The following ZNRF1 variants were observed in gnomAD, a reference collection of about 807,000 sequenced individuals.
ZNRF1 encodes the protein E3 ubiquitin-protein ligase ZNRF1.
In ZNRF1, 3 loss-of-function variants were observed where a neutral mutation model predicts 18.4. That is an observed-to-expected ratio of 0.16 (90% CI 0.07 to 0.42). The LOEUF (loss-of-function observed/expected upper bound fraction) is 0.42. Among genes scored for constraint, ZNRF1 ranks in the 10% least tolerant of loss-of-function variants. ZNRF1 has a pLI of 0.99. For synonymous variants in ZNRF1, 157 were observed against 144.2 expected (o/e 1.09, Z -0.64); for missense variants, 310 against 329.8 (o/e 0.94, Z 0.47).
chr16:75,068,433 G>A (rs2035830338), intron 1 of ZNRF1, among the ~76,000 whole-genome samples: 1 of 152,120 alleles, frequency 6.6e-6, no homozygotes, highest in South Asian at 2.1e-4. Flanking sequence ...AAGCAGTGGA[G>A]CAGCTGTGCT....
At position 75,056,953 on chromosome 16, in the gene ZNRF1, A is replaced by C. The variant is rs1164894930; in HGVS notation, c.425-36619A>C. On this transcript the variant is annotated intron_variant, in intron 1 of 4. Transcript: ENST00000335325. ...CGCCTGGTCAGGAAAAGACTTTTTAATGCCACTAGATTCCTCTCCTGATGC... is the reference window on the plus strand; with the variant it reads ...CGCCTGGTCAGGAAAAGACTTTTTACTGCCACTAGATTCCTCTCCTGATGC... Among the ~76,000 whole-genome samples the C allele has an allele frequency of 3.3e-5, 5 of 151,954 alleles. No individual in the cohort carries two copies. In the East Asian group the frequency reaches 9.7e-4, roughly 29 times the overall value.
intron 2 of ZNRF1, among the ~76,000 whole-genome samples, chr16:75,096,609 G>C (rs1445976247): frequency 6.6e-6 from 1 of 152,132 alleles, no homozygotes; most frequent in African/African-American, 2.4e-5. Flanking sequence ...AGATTCACTA[G>C]AACTCCTGGT....
chr16:75,106,679 A>C, intron 4 of ZNRF1, 108 bp downstream of exon 4: 1 of 790,838 alleles, frequency 1.3e-6, no homozygotes, highest in South Asian at 1.6e-5. Context: ...AGAAGAAAGC[A>C]GGAGCAGAGG....
intron 1 of ZNRF1, among the ~76,000 whole-genome samples, chr16:75,060,473 CTTTTTTTTTTTT>C (rs34182819): frequency 1.4e-5 from 1 of 70,246 alleles, no homozygotes; most frequent in Non-Finnish European, 2.6e-5. Flanking sequence ...CTCAGAAAAT[CTTTTTTTTTTTT>C]TTTTTTTTTT....
chr16:75,000,565 A>T (rs993589961), intron 1 of ZNRF1, among the ~76,000 whole-genome samples: 2 of 152,098 alleles, frequency 1.3e-5, no homozygotes, highest in African/African-American at 4.8e-5. Flanking sequence ...TAGGGCTCTC[A>T]CTCTTGCTGG....
intron 1 of ZNRF1, among the ~76,000 whole-genome samples, chr16:75,011,258 C>T (rs2145323690): frequency 6.6e-6 from 1 of 152,282 alleles, no homozygotes; most frequent in African/African-American, 2.4e-5. Context: ...CCTTGGGATT[C>T]CAACCTAACA....
At chr16:75,002,720 G>A (rs182177880) in intron 1 of ZNRF1, among the ~76,000 whole-genome samples, 2 of 152,166 alleles carry the variant, frequency 1.3e-5, no homozygotes, top group African/African-American at 4.8e-5. Context: ...TCACCCTCAC[G>A]AGCTCCAGCC....
At chr16:75,000,215 G>T in intron 1 of ZNRF1, 120 bp downstream of exon 1, 1 of 1,387,392 alleles carries the variant, frequency 7.2e-7, no homozygotes, top group Non-Finnish European at 9.9e-7. Flanking sequence ...CATTCCCTTT[G>T]GTTCCCGATG....
At position 75,104,812 on chromosome 16, in the gene ZNRF1, G is replaced by A. The variant is rs373243070; in HGVS notation, c.549G>A (p.Glu183=). 7.6e-5 allele frequency: 123 copies of A among 1,610,230 alleles called. No homozygotes were observed. The highest frequency in any genetic ancestry group is 1.0e-4 in the Non-Finnish European group (118 of 1,178,884). Residue 183 remains glutamate, a synonymous_variant, in exon 3 of 5, where the codon GAG becomes GAA. Coordinates refer to ENST00000335325, the MANE Select transcript of ZNRF1 (RefSeq NM_032268.5). ...ATGTGCTGACTAAAGACGCGGGTGA[G>A]TGTGTGATCTGCCTGGAGGAGCTGC... ...NDDVLTKDAG[E]CVICLEELLQ... is the part of the protein sequence containing the mutation.
chr16:75,010,911 A>G (rs12923223), intron 1 of ZNRF1, among the ~76,000 whole-genome samples: 45,616 of 151,720 alleles, frequency 0.3, 8,164 homozygotes, highest in East Asian at 0.62. Flanking sequence ...GGTTTCGCCA[A>G]TTGGCCAGGC....
chr16:75,044,837 A>T (rs563531046), intron 1 of ZNRF1, among the ~76,000 whole-genome samples: 1 of 152,246 alleles, frequency 6.6e-6, no homozygotes, highest in Non-Finnish European at 1.5e-5. Flanking sequence ...GAAGTAACAT[A>T]ATATGTTAAG....
intron 1 of ZNRF1, among the ~76,000 whole-genome samples, chr16:75,086,938 C>T (rs908384911): frequency 2.0e-5 from 3 of 151,478 alleles, no homozygotes; most frequent in Non-Finnish European, 4.4e-5. Context: ...AGCGCATCAG[C>T]ATGGGGAGGG....
At chr16:75,047,672 C>A (rs1310222096) in intron 1 of ZNRF1, among the ~76,000 whole-genome samples, 2 of 151,968 alleles carry the variant, frequency 1.3e-5, no homozygotes, top group Non-Finnish European at 2.9e-5. Context: ...GATTTTCTTG[C>A]CTTTCCTAAT....
chr16:75,051,042 A>C lies in ZNRF1; in HGVS notation c.425-42530A>C, dbSNP rs1030228294. The stretch of plus-strand genomic sequence containing the variant: ...ACCTTGTCGCTACAAAAAGAAAAAA[A>C]AAAAAAACAAAACCTGGGTGTCGTG... On this transcript the variant is annotated intron_variant, in intron 1 of 4. Transcript: ENST00000335325. 2.1e-4 allele frequency among the ~76,000 whole-genome samples: 14 copies of C among 66,344 alleles called. 1 individual carries two copies. The highest frequency in any genetic ancestry group is 2.0e-3 in the Admixed American group (13 of 6,556). The allele number at this position is 66,344 out of a possible 152,430, so 43.5% of individuals were successfully genotyped here.
chr16:75,087,398 A>G (rs1193559108), intron 1 of ZNRF1, among the ~76,000 whole-genome samples: 1 of 152,234 alleles, frequency 6.6e-6, no homozygotes, highest in East Asian at 1.9e-4. Context: ...ACAGCCAACC[A>G]AATGGCAAAG....
intron 1 of ZNRF1, among the ~76,000 whole-genome samples, chr16:75,073,317 CT>C (rs1474117549): frequency 6.6e-6 from 1 of 150,548 alleles, no homozygotes; most frequent in Non-Finnish European, 1.5e-5. Context: ...TTTTTCCTTT[CT>C]TTTTAGACCT....
rs1309186546 is a variant in ZNRF1, at chr16:75,096,059, CACGTGT to C, written c.520+2393_520+2398del. Reference sequence around the variant, plus strand: ...GGGTGCATGTGTTTCTGTATGTGTGCACGTGTGTGTGTGTGTGTGTGTGTGTGTGTG... The same window carrying C: ...GGGTGCATGTGTTTCTGTATGTGTGCGTGTGTGTGTGTGTGTGTGTGTGTG... On this transcript the variant is annotated intron_variant, in intron 2 of 4. Transcript: ENST00000335325. Among the ~76,000 whole-genome samples, 79 of 61,826 alleles carry C rather than the reference CACGTGT, an allele frequency of 1.3e-3. No individual in the cohort carries two copies. The East Asian group carries it at 0.019, about 15-fold the overall frequency. The allele number at this position is 61,826 out of a possible 152,430, so 40.6% of individuals were successfully genotyped here. A position where few individuals can be genotyped will look rare whatever the true frequency, so the allele number is the denominator to read the frequency against.
At chr16:75,053,782 C>G (rs1450314620) in intron 1 of ZNRF1, among the ~76,000 whole-genome samples, 2 of 152,082 alleles carry the variant, frequency 1.3e-5, no homozygotes, top group African/African-American at 4.8e-5. Context: ...TCAGTTTGTA[C>G]TTTGGTGTGT....
chr16:75,056,994 A>G (rs1396770241), intron 1 of ZNRF1, among the ~76,000 whole-genome samples: 2 of 152,146 alleles, frequency 1.3e-5, no homozygotes, highest in South Asian at 2.1e-4. Context: ...GGCCTGTGGC[A>G]TCCTCTAGTT....
Sources: allele counts gnomAD v4.1 joint callset (sites outside exome capture counted in the v4.1 genomes callset), GRCh38; gene constraint gnomAD v4.1.1; transcripts MANE v1.5; gene names NCBI Gene and HGNC (gene_info 2026-07-23, HGNC 2026-07-21).